SNRPN: variants seen among roughly 807,000 people sequenced by gnomAD.
SNRPN encodes the protein small nuclear ribonucleoprotein polypeptide N, also known as small nuclear ribonucleoprotein-associated protein N.
A neutral mutation model predicts 25.2 loss-of-function variants in SNRPN; 7 were observed. The ratio of observed to expected loss-of-function variants is 0.28; its 90% CI spans 0.16 to 0.52. The LOEUF (loss-of-function observed/expected upper bound fraction) is 0.52. SNRPN is among the 20% of genes least tolerant of loss of function. The pLI, the probability that SNRPN is intolerant of heterozygous loss-of-function variation, is 0.96. For synonymous variants in SNRPN, 124 were observed against 110.6 expected, an observed-to-expected ratio of 1.12 and a Z score of -0.76; for missense variants, 196 against 322.5, an observed-to-expected ratio of 0.61 and a Z score of 3.00.
intron 3 of SNRPN, among the ~76,000 whole-genome samples, chr15:24,971,340 C>T (rs1189696138): frequency 6.6e-6 from 1 of 152,110 alleles, no homozygotes; most frequent in Non-Finnish European, 1.5e-5. Flanking sequence ...ATAAATTTGA[C>T]CACTCTGCAG....
intron 3 of SNRPN, 119 bp downstream of exon 3, chr15:24,968,201 A>T (rs2075929136): frequency 4.6e-6 from 3 of 655,912 alleles, no homozygotes; most frequent in Non-Finnish European, 8.0e-6. Context: ...TACAATAAAC[A>T]CATTGCAGAA....
chr15:24,857,246 G>A (rs897345636), intron 1 of SNRPN, among the ~76,000 whole-genome samples: 2 of 152,164 alleles, frequency 1.3e-5, no homozygotes, highest in African/African-American at 4.8e-5. Flanking sequence ...TAGGAATGTC[G>A]TCATGTTGTT....
At position 24,925,745 on chromosome 15, in the gene SNRPN, ATT is replaced by A. The variant is rs35612975; in HGVS notation, c.-391+5634_-391+5635del. On this transcript the variant is annotated intron_variant, in intron 3 of 11. Transcript: ENST00000400097. ...AGGTGCATACCACCATGCCCAGCTA[ATT>A]TTTTTTTTTTTTGAGACAGAGTCTC... 3.2e-3 allele frequency among the ~76,000 whole-genome samples: 462 copies of A among 145,292 alleles called. 1 individual carries two copies. Among genetic ancestry groups the A allele is most frequent in the Middle Eastern group, 7.0e-3 (2 of 284 alleles).
intron 1 of SNRPN, among the ~76,000 whole-genome samples, chr15:24,877,686 AC>A (rs2056087599): frequency 2.7e-5 from 4 of 149,962 alleles, no homozygotes; most frequent in South Asian, 2.1e-4. Context: ...ACACACACAC[AC>A]ACACACACAA....
chr15:24,904,941 TCA>T (rs1491402057), intron 2 of SNRPN, among the ~76,000 whole-genome samples: 2 of 70,378 alleles, frequency 2.8e-5, no homozygotes, highest in African/African-American at 1.1e-4. Flanking sequence ...AGACTCCGTC[TCA>T]AAAAAAAAAA....
upstream of SNRPN, among the ~76,000 whole-genome samples, chr15:24,855,025 G>A (rs888362029): frequency 2.0e-5 from 3 of 151,462 alleles, no homozygotes; most frequent in Admixed American, 1.3e-4. Context: ...AAAAATTCTA[G>A]TGCTGCTCAA....
At chr15:24,936,369 G>A (rs939315459) in intron 3 of SNRPN, among the ~76,000 whole-genome samples, 1 of 152,136 alleles carries the variant, frequency 6.6e-6, no homozygotes, top group African/African-American at 2.4e-5. Flanking sequence ...AGGGATGGCG[G>A]TGCTGAACTG....
rs371460125 is a variant in SNRPN at position 24,918,201 on chromosome 15, T to A, written c.-504-1810T>A. ...ATTCTGTCACTTTTCTATCAAAATA[T>A]CTCTAATGGACAGAGGCCAGAGACA... On this transcript the variant is annotated intron_variant, in intron 2 of 11. Transcript: ENST00000400097. Among the ~76,000 whole-genome samples the A allele has an allele frequency of 7.9e-5, 12 of 151,520 alleles. No homozygotes were observed. The Admixed American group carries it at 7.9e-4, about 10-fold the overall frequency.
intron 1 of SNRPN, among the ~76,000 whole-genome samples, chr15:24,878,547 C>A (rs1362466890): frequency 6.6e-6 from 1 of 152,312 alleles, no homozygotes; most frequent in East Asian, 1.9e-4. Context: ...CAAGCGTTAA[C>A]CTGCGTTTTA....
intron 3 of SNRPN, among the ~76,000 whole-genome samples, chr15:24,936,374 G>A (rs2061236653): frequency 6.6e-6 from 1 of 152,134 alleles, no homozygotes; most frequent in African/African-American, 2.4e-5. Context: ...TGGCGGTGCT[G>A]AACTGTGAAG....
rs117194499 is a variant in SNRPN at position 24,943,372 on chromosome 15, G to C, written c.-390-18742G>C. 1.9e-3 allele frequency among the ~76,000 whole-genome samples: 288 copies of C among 152,212 alleles called. 1 individual carries two copies. Among genetic ancestry groups the C allele is most frequent in the Non-Finnish European group, 3.0e-3 (204 of 68,016 alleles). The stretch of plus-strand genomic sequence containing the variant: ...GTAGAACCATCTGTAAACCAGGCCT[G>C]AGTCTTCTCTTTTTCCATCATCTGA... On this transcript the variant is annotated intron_variant, in intron 3 of 11. Coordinates refer to the SNRPN transcript ENST00000400097.
intron 1 of SNRPN, among the ~76,000 whole-genome samples, chr15:24,959,305 A>C (rs1249432318): frequency 2.6e-5 from 4 of 152,170 alleles, no homozygotes; most frequent in Non-Finnish European, 5.9e-5. Flanking sequence ...AAAATCTTAT[A>C]GATGACATTT....
chr15:24,954,604 T>A (rs929446709), upstream of SNRPN, among the ~76,000 whole-genome samples: 1 of 152,210 alleles, frequency 6.6e-6, no homozygotes, highest in Non-Finnish European at 1.5e-5. Flanking sequence ...CATTTAACTT[T>A]TCCAAACCAG....
chr15:24,886,456 A>T (rs1181384961), intron 1 of SNRPN: 1 of 152,250 alleles, frequency 6.6e-6, no homozygotes, highest in African/African-American at 2.4e-5. Context: ...GTGGTCCCGA[A>T]TAAAGTCTTC....
chr15:24,852,494 T>C (rs577257903), upstream of SNRPN, among the ~76,000 whole-genome samples: 228 of 152,338 alleles, frequency 1.5e-3, 2 homozygotes, highest in South Asian at 0.021. Context: ...CAGTCAGATA[T>C]CTTGTGGAAT....
At chr15:24,967,807 G>GAA in intron 2 of SNRPN, 125 bp from the exon 3 acceptor site, 1 of 697,658 alleles carries the variant, frequency 1.4e-6, no homozygotes, top group Non-Finnish European at 2.3e-6. Flanking sequence ...GACCCTGTCT[G>GAA]GAAAAAAAAA....
intron 2 of SNRPN, among the ~76,000 whole-genome samples, chr15:24,832,650 C>T (rs938294250): frequency 3.8e-4 from 57 of 151,982 alleles, no homozygotes; most frequent in African/African-American, 1.4e-3. Flanking sequence ...AGGTTTGTCT[C>T]TTCGCTCTTC....
chr15:24,975,711 T>C (rs183955482), intron 5 of SNRPN, among the ~76,000 whole-genome samples: 41 of 152,328 alleles, frequency 2.7e-4, no homozygotes, highest in Admixed American at 1.6e-3. Flanking sequence ...AAAACAATCA[T>C]GGATTTATTA....
At chr15:24,906,988 T>A (rs4906694) in intron 2 of SNRPN, among the ~76,000 whole-genome samples, 1 of 151,904 alleles carries the variant, frequency 6.6e-6, no homozygotes, top group African/African-American at 2.4e-5. Flanking sequence ...GATGAAGCAG[T>A]TAGGGGCTTG....
Sources: gnomAD v4.1 joint callset for allele counts (sites outside exome capture counted in the v4.1 genomes callset) on GRCh38, gnomAD v4.1.1 for gene constraint, MANE v1.5 for transcripts, NCBI Gene and HGNC (gene_info 2026-07-23, HGNC 2026-07-21) for gene names.